The following COX16 variants were observed in gnomAD, a reference collection of about 807,000 sequenced individuals.
The protein encoded by COX16 is cytochrome c oxidase assembly factor COX16, also known as cytochrome c oxidase assembly protein COX16 homolog, mitochondrial.
In COX16, 12 loss-of-function variants were observed where a neutral mutation model predicts 15.4. The observed-to-expected ratio is 0.78, with a 90% confidence interval of 0.50 to 1.26. COX16 has a LOEUF of 1.26. Among genes scored for constraint, COX16 ranks in the 50% most tolerant of loss-of-function variants. COX16 has a pLI of 0.00. For missense variants in COX16, 124 were observed against 127.6 expected (o/e 0.97, Z 0.14); for synonymous variants, 46 against 41.1 (o/e 1.12, Z -0.46).
Position 70,342,659 on chromosome 14 carries a change from T to G in COX16, c.140A>C (p.Lys47Thr), listed in dbSNP as rs766766702. 13 of 1,610,052 alleles carry G rather than the reference T, an allele frequency of 8.1e-6. No individual in the cohort carries two copies. The highest frequency in any genetic ancestry group is 1.0e-5 in the Non-Finnish European group (12 of 1,179,070). ...SQIRYDAVKSKMDPELEKKLK... is the reference protein window; with the variant it reads ...SQIRYDAVKSTMDPELEKKLK... Reference sequence around the variant, plus strand: ...TCAAACTCTAATTATATTTCTTACTTTACTCTTCACAGCATCATATCGGAT... The same window carrying G: ...TCAAACTCTAATTATATTTCTTACTGTACTCTTCACAGCATCATATCGGAT... Residue 47 changes from lysine to threonine, a missense_variant and splice_region_variant, in exon 2 of 4, where the codon AAA becomes ACA. Lys to Thr is a moderately conservative substitution (Grantham distance 78). Transcript: ENST00000389912.
chr14:70,329,304 G>A (rs371677691), intron 2 of COX16, 68 bp from the exon 3 acceptor site: 2 of 1,367,970 alleles, frequency 1.5e-6, no homozygotes, highest in East Asian at 2.7e-5. Context: ...TCAATTTTAA[G>A]TTATAGAAGA....
chr14:70,346,202 G>A (rs190924866), intron 1 of COX16, among the ~76,000 whole-genome samples: 1 of 152,320 alleles, frequency 6.6e-6, no homozygotes, highest in Admixed American at 6.5e-5. Flanking sequence ...AGCTTCAGAA[G>A]CTTGATGATG....
chr14:70,351,142 G>A (rs559520477), intron 1 of COX16, among the ~76,000 whole-genome samples: 6 of 152,190 alleles, frequency 3.9e-5, no homozygotes, highest in Middle Eastern at 6.8e-3. Flanking sequence ...GAACTCAAAG[G>A]GTACAATTTC....
At chr14:70,333,275 C>T (rs8016060) in intron 2 of COX16, among the ~76,000 whole-genome samples, 71,532 of 152,070 alleles carry the variant, frequency 0.47, 17,522 homozygotes, top group South Asian at 0.57. Context: ...GATGTGTAAT[C>T]TTTCAGACAA....
intron 2 of COX16, among the ~76,000 whole-genome samples, chr14:70,329,511 G>A (rs746445156): frequency 1.3e-5 from 2 of 152,016 alleles, no homozygotes; most frequent in African/African-American, 4.8e-5. Flanking sequence ...CATGAGATCT[G>A]TATTATATGT....
intron 2 of COX16, 53 bp downstream of exon 2, chr14:70,342,605 A>T (rs539355158): frequency 2.2e-5 from 34 of 1,568,330 alleles, no homozygotes; most frequent in Non-Finnish European, 2.8e-5. Flanking sequence ...ATTCTCCTAA[A>T]CCAGAACATA....
At chr14:70,339,394 G>A (rs1886557017) in intron 2 of COX16, among the ~76,000 whole-genome samples, 1 of 152,116 alleles carries the variant, frequency 6.6e-6, no homozygotes, top group African/African-American at 2.4e-5. Flanking sequence ...TTACTGAGAA[G>A]CAAGATTTTT....
At chr14:70,330,784 G>A (rs116913293) in intron 2 of COX16, among the ~76,000 whole-genome samples, 1,773 of 152,204 alleles carry the variant, frequency 0.012, 19 homozygotes, top group Non-Finnish European at 0.018. Context: ...GAAACAATGC[G>A]ATTGTCAATA....
At chr14:70,338,591 A>G (rs1329585314) in intron 2 of COX16, among the ~76,000 whole-genome samples, 1 of 152,212 alleles carries the variant, frequency 6.6e-6, no homozygotes, top group Non-Finnish European at 1.5e-5. Flanking sequence ...CCTTTTGTTC[A>G]CCCATAGGAT....
intron 1 of COX16, among the ~76,000 whole-genome samples, chr14:70,347,297 G>A (rs1011907902): frequency 6.6e-6 from 1 of 152,104 alleles, no homozygotes; most frequent in African/African-American, 2.4e-5. Flanking sequence ...TAACCAAGCT[G>A]TACTCCCAGT....
intron 1 of COX16, chr14:70,359,089 T>A (rs893872623): frequency 7.0e-6 from 3 of 428,150 alleles, no homozygotes; most frequent in Middle Eastern, 3.4e-4. Flanking sequence ...ATGGAATACA[T>A]CTAGTCCCAA....
At chr14:70,354,275 C>CA (rs1050670003) in intron 1 of COX16, among the ~76,000 whole-genome samples, 2 of 152,096 alleles carry the variant, frequency 1.3e-5, no homozygotes, top group Non-Finnish European at 2.9e-5. Flanking sequence ...CTAATACCTG[C>CA]AATGTCAAAA....
intron 1 of COX16, among the ~76,000 whole-genome samples, chr14:70,348,167 G>C (rs755255964): frequency 6.6e-6 from 1 of 152,148 alleles, no homozygotes; most frequent in Non-Finnish European, 1.5e-5. Context: ...CTGCCTCCAA[G>C]CACTGGAGGC....
chr14:70,359,039 A>G (rs754602122), intron 1 of COX16, among the ~76,000 whole-genome samples: 1 of 152,234 alleles, frequency 6.6e-6, no homozygotes, highest in Non-Finnish European at 1.5e-5. Flanking sequence ...CACAAACTAG[A>G]AAGATGAAAC....
intron 1 of COX16, among the ~76,000 whole-genome samples, chr14:70,347,078 G>A (rs12590808): frequency 0.28 from 43,047 of 151,382 alleles, 7,541 homozygotes; most frequent in Admixed American, 0.39. Context: ...CCACACCCCC[G>A]TCCGCATTAC....
At chr14:70,339,894 CCTT>C (rs34869883) in intron 2 of COX16, among the ~76,000 whole-genome samples, 10,734 of 152,212 alleles carry the variant, frequency 0.071, 426 homozygotes, top group Middle Eastern at 0.12. Flanking sequence ...TAACCATCCT[CCTT>C]CTTTTAACCT....
Position 70,325,505 on chromosome 14 carries a change from G to C in COX16, c.*828C>G, listed in dbSNP as rs1886038280. On this transcript the variant is annotated 3_prime_UTR_variant, in exon 4 of 4. Coordinates refer to ENST00000389912, the MANE Select transcript of COX16 (RefSeq NM_016468.7). ...GAGGCAGGAGAATGGTGTGAACCCG[G>C]GAAGCAGAGCTTGCAGTGAGCAGAG... 1 of 152,286 alleles carries C rather than the reference G, an allele frequency of 6.6e-6. No individual in the cohort carries two copies. The highest frequency in any genetic ancestry group is 2.4e-5 in the African/African-American group (1 of 41,440). 9.4% of individuals were successfully genotyped at this position (152,286 alleles called of 1,614,324 possible).
chr14:70,356,910 A>G (rs570311101), intron 1 of COX16, among the ~76,000 whole-genome samples: 1 of 152,098 alleles, frequency 6.6e-6, no homozygotes, highest in Non-Finnish European at 1.5e-5. Flanking sequence ...TTAATTTGTC[A>G]TATTCTCACC....
At position 70,357,158 on chromosome 14, in the gene COX16, CAAAAAAAAAAAA is replaced by C. The variant is rs4048531; in HGVS notation, c.69+2349_69+2360del. Among the ~76,000 whole-genome samples, 26 of 78,704 alleles carry C rather than the reference CAAAAAAAAAAAA, an allele frequency of 3.3e-4. No homozygotes were observed. The South Asian group carries it at 3.4e-3, about 10-fold the overall frequency. The allele number at this position is 78,704 out of a possible 152,430, so 51.6% of individuals were successfully genotyped here. A position where few individuals can be genotyped will look rare whatever the true frequency, so the allele number is the denominator to read the frequency against. ...CAGACTTCTCCTAGGAAGCGTTTGT[CAAAAAAAAAAAA>C]AAAAAAAAAAAAAAAAAAAAATTCA... On this transcript the variant is annotated intron_variant, in intron 1 of 3. Transcript: ENST00000389912.
Sources: allele counts gnomAD v4.1 joint callset (sites outside exome capture counted in the v4.1 genomes callset), GRCh38; gene constraint gnomAD v4.1.1; transcripts MANE v1.5; gene names NCBI Gene and HGNC (gene_info 2026-07-23, HGNC 2026-07-21).